The following RARRES1 variants were observed in gnomAD, a reference collection of about 807,000 sequenced individuals.
The protein encoded by RARRES1 is retinoic acid receptor responder protein 1.
Under a neutral mutation model 30.6 loss-of-function variants are expected in RARRES1, and 34 were observed. The ratio of observed to expected loss-of-function variants is 1.11; its 90% CI spans 0.84 to 1.48. The LOEUF (loss-of-function observed/expected upper bound fraction) is 1.48. Ranked by LOEUF, RARRES1 falls within the 40% of genes most tolerant of loss-of-function variation. The pLI is 0.00. For missense variants in RARRES1, 373 were observed against 386.5 expected (o/e 0.97, Z 0.29); for synonymous variants, 153 against 155.5 (o/e 0.98, Z 0.12).
intron 1 of RARRES1, among the ~76,000 whole-genome samples, chr3:158,720,273 T>TGTGTGTGAGAGAGAGAGAGAGAGA (rs1160861397): frequency 2.1e-5 from 3 of 144,452 alleles, no homozygotes; most frequent in Admixed American, 7.0e-5. Context: ...TGTATGTGTG[T>TGTGTGTGAGAGAGAGAGAGAGAGA]GAGAGAGAGA....
chr3:158,721,917 C>A (rs753352386), intron 1 of RARRES1, among the ~76,000 whole-genome samples: 1 of 152,006 alleles, frequency 6.6e-6, no homozygotes, highest in Admixed American at 6.6e-5. Context: ...CATGGAGAAA[C>A]CCCATCTCTA....
chr3:158,713,958 G>T, intron 1 of RARRES1, 99 bp from the exon 2 acceptor site: 1 of 1,098,032 alleles, frequency 9.1e-7, no homozygotes. Context: ...TGCAAATGGT[G>T]GCTGTAGCAT....
intron 1 of RARRES1, among the ~76,000 whole-genome samples, chr3:158,728,969 G>T (rs1727784566): frequency 6.6e-6 from 1 of 152,100 alleles, no homozygotes. Context: ...TCTCAAAGAG[G>T]CCTTCCCTAA....
rs772623142 is a variant in RARRES1, at chr3:158,697,705, T to C, written c.858A>G (p.Val286=). The C allele has an allele frequency of 3.1e-6, 5 of 1,613,372 alleles. No homozygotes were observed. The highest frequency in any genetic ancestry group is 4.2e-6 in the Non-Finnish European group (5 of 1,179,354). ...AGAAATTACTAAGCTCTGTTGGTACTACAGCTGATCCTTCTTCAGTTCCGG... is the reference window on the plus strand; with the variant it reads ...AGAAATTACTAAGCTCTGTTGGTACCACAGCTGATCCTTCTTCAGTTCCGG... ...EASGTEEGSA[V]VPTELSNF is the part of the protein sequence containing the mutation. The change falls in exon 6 of 6, where the codon GTA becomes GTG. Residue 286 remains valine, a synonymous_variant. Coordinates refer to ENST00000237696, the MANE Select transcript of RARRES1 (RefSeq NM_206963.2).
intron 2 of RARRES1, 48 bp from the exon 3 acceptor site, chr3:158,710,981 C>T: frequency 1.4e-6 from 2 of 1,476,144 alleles, no homozygotes; most frequent in Non-Finnish European, 1.9e-6. Context: ...CACCCCAGTG[C>T]ACACAAGCAC....
chr3:158,707,154 C>G lies in RARRES1; in HGVS notation c.536-2227G>C, dbSNP rs199535480. Among the ~76,000 whole-genome samples the G allele has an allele frequency of 1.5e-4, 23 of 149,982 alleles. No individual in the cohort carries two copies. The East Asian group carries it at 4.5e-3, about 29-fold the overall frequency. ...ACCACACACTGGACAGAGGGAGACT[C>G]TGTCTCAAAAAAACAAACAAACAAA... On this transcript the variant is annotated intron_variant, in intron 3 of 5. Transcript: ENST00000237696.
At chr3:158,724,001 C>T (rs868742769) in intron 1 of RARRES1, among the ~76,000 whole-genome samples, 156 of 152,234 alleles carry the variant, frequency 1.0e-3, no homozygotes, top group African/African-American at 3.4e-3. Context: ...AGAAGCTGAC[C>T]GTCTCGTTTG....
chr3:158,698,129 G>C (rs1481504580), intron 4 of RARRES1, 159 bp from the exon 5 acceptor site: 1 of 589,154 alleles, frequency 1.7e-6, no homozygotes, highest in Non-Finnish European at 3.0e-6. Context: ...AGATATGGAA[G>C]TCATGGATCC....
At chr3:158,712,780 C>T (rs1310257113) in intron 2 of RARRES1, among the ~76,000 whole-genome samples, 1 of 152,156 alleles carries the variant, frequency 6.6e-6, no homozygotes, top group Non-Finnish European at 1.5e-5. Flanking sequence ...CTCTTCACCC[C>T]CTGAAATGGA....
rs747040029 is a variant in RARRES1, at chr3:158,697,753, C to T, written c.810G>A (p.Glu270=). The change falls in exon 6 of 6, where the codon GAG becomes GAA. Residue 270 remains glutamate, a synonymous_variant. Coordinates refer to ENST00000237696, the MANE Select transcript of RARRES1 (RefSeq NM_206963.2). ...KPLKVKYHCQ[E]LQTPEEASGT... ...CGGAGGCTTCTTCTGGTGTCTGTAG[C>T]TCTTGACAGTGGTACTTCACTTTAA... 7 of 1,611,376 alleles carry T rather than the reference C, an allele frequency of 4.3e-6. No individual in the cohort carries two copies. The African/African-American group carries it at 9.4e-5, about 22-fold the overall frequency.
intron 4 of RARRES1, among the ~76,000 whole-genome samples, chr3:158,704,127 G>A (rs1253929743): frequency 2.7e-5 from 4 of 150,394 alleles, no homozygotes; most frequent in Non-Finnish European, 5.9e-5. Context: ...CTGTCAATCT[G>A]CCAGAATCCA....
intron 4 of RARRES1, among the ~76,000 whole-genome samples, chr3:158,702,025 TTTTG>T (rs1726744126): frequency 6.6e-6 from 1 of 151,978 alleles, no homozygotes; most frequent in Admixed American, 6.6e-5. Flanking sequence ...CTGCATTTGT[TTTTG>T]TTTGTTTTGT....
chr3:158,702,015 C>T (rs925210073), intron 4 of RARRES1, among the ~76,000 whole-genome samples: 13 of 151,980 alleles, frequency 8.6e-5, no homozygotes, highest in Admixed American at 8.5e-4. Flanking sequence ...CATTCTCCCT[C>T]TGCATTTGTT....
At chr3:158,721,693 T>TC (rs1418904663) in intron 1 of RARRES1, among the ~76,000 whole-genome samples, 1 of 152,180 alleles carries the variant, frequency 6.6e-6, no homozygotes, top group African/African-American at 2.4e-5. Flanking sequence ...TTCTGGTGAA[T>TC]CAGGTTATGA....
At chr3:158,709,731 G>A (rs746070462) in intron 3 of RARRES1, among the ~76,000 whole-genome samples, 11 of 152,166 alleles carry the variant, frequency 7.2e-5, no homozygotes, top group Non-Finnish European at 1.5e-4. Flanking sequence ...ATGCTGTAGC[G>A]GTCAGACATC....
At chr3:158,718,843 A>G (rs888094634) in intron 1 of RARRES1, among the ~76,000 whole-genome samples, 5 of 152,192 alleles carry the variant, frequency 3.3e-5, no homozygotes, top group African/African-American at 1.2e-4. Context: ...TAATCCATTA[A>G]ATTCAAAGCC....
chr3:158,700,111 A>G (rs952824496), intron 4 of RARRES1, among the ~76,000 whole-genome samples: 5 of 152,046 alleles, frequency 3.3e-5, no homozygotes, highest in African/African-American at 9.7e-5. Flanking sequence ...AAGTGGGAGG[A>G]TCACTTGAGC....
At chr3:158,718,052 C>T (rs1318183942) in intron 1 of RARRES1, among the ~76,000 whole-genome samples, 4 of 150,508 alleles carry the variant, frequency 2.7e-5, no homozygotes, top group African/African-American at 9.8e-5. Flanking sequence ...GATCTCAGCT[C>T]ACTGCAACCT....
intron 2 of RARRES1, among the ~76,000 whole-genome samples, chr3:158,712,944 T>C (rs1179490654): frequency 6.6e-6 from 1 of 152,228 alleles, no homozygotes; most frequent in Non-Finnish European, 1.5e-5. Context: ...TCGTACACTT[T>C]AAGGAAATTT....
Sources: gnomAD v4.1 joint callset for allele counts (sites outside exome capture counted in the v4.1 genomes callset) on GRCh38, gnomAD v4.1.1 for gene constraint, MANE v1.5 for transcripts, NCBI Gene and HGNC (gene_info 2026-07-23, HGNC 2026-07-21) for gene names.